The following EHBP1 variants were observed in gnomAD, a reference collection of about 807,000 sequenced individuals.
The protein encoded by EHBP1 is EH domain binding protein 1, also known as EH domain-binding protein 1.
Under a neutral mutation model 144.0 loss-of-function variants are expected in EHBP1, and 55 were observed. That is an observed-to-expected ratio of 0.38 (90% confidence interval 0.31 to 0.48). EHBP1 has a LOEUF of 0.48. Among genes scored for constraint, EHBP1 ranks in the 20% least tolerant of loss-of-function variants. EHBP1 has a pLI of 0.98. For missense variants in EHBP1, 1,200 were observed against 1,364.2 expected (o/e 0.88, Z 1.90); for synonymous variants, 469 against 472.7 (o/e 0.99, Z 0.10).
chr2:62,901,630 G>A (rs538451399), intron 10 of EHBP1, among the ~76,000 whole-genome samples: 28 of 151,510 alleles, frequency 1.8e-4, no homozygotes, highest in African/African-American at 6.1e-4. Flanking sequence ...GTTAATTCTC[G>A]CTTGTGAATA....
intron 15 of EHBP1, chr2:62,988,063 G>C (rs112638337): frequency 7.5e-7 from 1 of 1,327,680 alleles, no homozygotes; most frequent in African/African-American, 1.4e-5. Flanking sequence ...TAAATGTTTT[G>C]TGTCCTGCTG....
At chr2:62,799,003 CAAAAAAAAAA>C (rs757731955) in intron 5 of EHBP1, among the ~76,000 whole-genome samples, 5 of 76,786 alleles carry the variant, frequency 6.5e-5, no homozygotes, top group Admixed American at 6.2e-4. Flanking sequence ...GACTCCGTCT[CAAAAAAAAAA>C]AAAAAAAAAA....
chr2:62,976,368 C>T (rs1047870204), intron 14 of EHBP1, among the ~76,000 whole-genome samples: 6 of 152,274 alleles, frequency 3.9e-5, no homozygotes, highest in African/African-American at 1.4e-4. Flanking sequence ...CCATTGGTTT[C>T]TACCCTTGTC....
At chr2:62,903,605 T>G (rs1261968215) in intron 10 of EHBP1, among the ~76,000 whole-genome samples, 1 of 152,044 alleles carries the variant, frequency 6.6e-6, no homozygotes, top group Non-Finnish European at 1.5e-5. Context: ...TCTACAAATT[T>G]CTTTTTAAAA....
chr2:62,688,953 G>T lies in EHBP1; in HGVS notation c.-296+14870G>T, dbSNP rs115787979. Among the ~76,000 whole-genome samples the T allele has an allele frequency of 3.6e-3, 554 of 152,202 alleles. 4 individuals are homozygous for T. The highest frequency in any genetic ancestry group is 0.013 in the African/African-American group (530 of 41,522). On this transcript the variant is annotated intron_variant, in intron 1 of 22. Coordinates refer to the EHBP1 transcript ENST00000405015. ...CTGGCTTTGCTTCATGAAGGGTCCT[G>T]GTATGCATACTGAGAAGGTCATTTT... is the stretch of plus-strand genomic sequence containing the variant.
chr2:62,725,482 G>T (rs1364749542), intron 2 of EHBP1, among the ~76,000 whole-genome samples: 1 of 152,234 alleles, frequency 6.6e-6, no homozygotes, highest in Non-Finnish European at 1.5e-5. Context: ...CAGGGGTGGG[G>T]CACTGGCAGG....
At chr2:62,751,476 T>A (rs2039712221) in intron 3 of EHBP1, among the ~76,000 whole-genome samples, 1 of 152,202 alleles carries the variant, frequency 6.6e-6, no homozygotes, top group South Asian at 2.1e-4. Flanking sequence ...CAGGCTTTGG[T>A]ATCAGGATGA....
chr2:62,725,646 C>T (rs553816260), intron 2 of EHBP1, among the ~76,000 whole-genome samples: 11 of 152,206 alleles, frequency 7.2e-5, no homozygotes, highest in South Asian at 2.1e-4. Flanking sequence ...CTGTGCCTGC[C>T]GAGGCTCCCA....
At chr2:63,042,966 G>T (rs1286910390) in intron 21 of EHBP1, among the ~76,000 whole-genome samples, 1 of 151,778 alleles carries the variant, frequency 6.6e-6, no homozygotes, top group Non-Finnish European at 1.5e-5. Context: ...ATAAATCAAA[G>T]CTTATAATCA....
intron 5 of EHBP1, among the ~76,000 whole-genome samples, chr2:62,818,114 T>C (rs2045584281): frequency 6.6e-6 from 1 of 151,120 alleles, no homozygotes; most frequent in Non-Finnish European, 1.5e-5. Context: ...ATGGTATGCC[T>C]GTATAGGGCA....
At position 62,696,289 on chromosome 2, in the gene EHBP1, G is replaced by A. The variant is rs546405875; in HGVS notation, c.-295-10608G>A. Among the ~76,000 whole-genome samples the A allele has an allele frequency of 7.8e-4, 119 of 151,656 alleles. 1 individual carries two copies. The highest frequency in any genetic ancestry group is 3.4e-3 in the Middle Eastern group (1 of 294). On this transcript the variant is annotated intron_variant, in intron 1 of 22. Transcript: ENST00000405015. ...AGGTTCAAGCAATTCTCCTGTCTCA[G>A]CCTCCCAAGTAGCTGGGATTGCAGG...
chr2:63,039,500 A>G (rs2061575771), intron 21 of EHBP1, among the ~76,000 whole-genome samples: 1 of 152,108 alleles, frequency 6.6e-6, no homozygotes, highest in Non-Finnish European at 1.5e-5. Context: ...TAGTTCAAAG[A>G]TGTCTGCTTA....
chr2:62,866,385 A>T (rs934811144), intron 9 of EHBP1, among the ~76,000 whole-genome samples: 1 of 152,230 alleles, frequency 6.6e-6, no homozygotes, highest in Admixed American at 6.5e-5. Flanking sequence ...GAAACAAGAA[A>T]ATCTGACCTG....
intron 7 of EHBP1, chr2:62,858,648 T>C: frequency 1.6e-6 from 1 of 611,726 alleles, no homozygotes; most frequent in East Asian, 2.8e-5. Context: ...TGGTAATTTG[T>C]AGTGCACCAA....
chr2:62,902,517 G>GA (rs1163441209), intron 10 of EHBP1, among the ~76,000 whole-genome samples: 3 of 151,764 alleles, frequency 2.0e-5, no homozygotes, highest in Admixed American at 2.0e-4. Context: ...GATGTTGCTT[G>GA]AAAAAAATAT....
At chr2:63,043,917 G>GTTTTTTTTTT (rs1559110359) in intron 21 of EHBP1, 3 of 36,198 alleles carry the variant, frequency 8.3e-5, no homozygotes, top group African/African-American at 4.3e-4. Context: ...AGTGGCCATG[G>GTTTTTTTTTT]TTCTTTTTTT....
At chr2:62,715,704 ACGAT>A (rs932906762) in intron 2 of EHBP1, among the ~76,000 whole-genome samples, 4 of 152,154 alleles carry the variant, frequency 2.6e-5, no homozygotes, top group African/African-American at 9.7e-5. Flanking sequence ...AGAAGGAATG[ACGAT>A]TTTCAACTAT....
chr2:62,937,862 C>A (rs1230100126), intron 10 of EHBP1, among the ~76,000 whole-genome samples: 1 of 152,032 alleles, frequency 6.6e-6, no homozygotes, highest in African/African-American at 2.4e-5. Context: ...TTTGTGTGTT[C>A]TTGAGAACCA....
intron 2 of EHBP1, among the ~76,000 whole-genome samples, chr2:62,742,372 A>G (rs1197765097): frequency 6.6e-6 from 1 of 152,100 alleles, no homozygotes; most frequent in Non-Finnish European, 1.5e-5. Context: ...ATATGGAGAG[A>G]CAACTGTACT....
Sources: allele counts gnomAD v4.1 joint callset (sites outside exome capture counted in the v4.1 genomes callset), GRCh38; gene constraint gnomAD v4.1.1; transcripts MANE v1.5; gene names NCBI Gene and HGNC (gene_info 2026-07-23, HGNC 2026-07-21).